ADGRV1: variants seen among roughly 807,000 people sequenced by gnomAD.
The protein encoded by ADGRV1 is adhesion G protein-coupled receptor V1, also known as G-protein coupled receptor 98.
Under a neutral mutation model 596.2 loss-of-function variants are expected in ADGRV1, and 359 were observed. The ratio of observed to expected loss-of-function variants is 0.60; its 90% confidence interval spans 0.55 to 0.66. The LOEUF is 0.66. Among genes scored for constraint, ADGRV1 ranks in the 30% least tolerant of loss-of-function variants. The pLI, the probability that ADGRV1 is intolerant of heterozygous loss-of-function variation, is 0.00. For missense variants in ADGRV1, 7,274 were observed against 7,575.6 expected, an observed-to-expected ratio of 0.96 and a Z score of 1.48; for synonymous variants, 2,681 against 2,679.2, an observed-to-expected ratio of 1.00 and a Z score of -0.02.
At chr5:90,579,251 A>C (rs1346714802) in intron 1 of ADGRV1, among the ~76,000 whole-genome samples, 1 of 152,184 alleles carries the variant, frequency 6.6e-6, no homozygotes, top group Non-Finnish European at 1.5e-5. Flanking sequence ...TTAGTGCTAT[A>C]AATTTCCCTC....
intron 87 of ADGRV1, among the ~76,000 whole-genome samples, chr5:91,115,348 C>T (rs1792758776): frequency 6.6e-6 from 1 of 152,136 alleles, no homozygotes; most frequent in East Asian, 1.9e-4. Context: ...TGATTGCCTA[C>T]TAATAAATGA....
At position 90,622,987 on chromosome 5, in the gene ADGRV1, C is replaced by T. The variant is rs140696061; in HGVS notation, c.558+286C>T. 6.2e-3 allele frequency among the ~76,000 whole-genome samples: 944 copies of T among 152,264 alleles called. 10 individuals carry two copies. Among genetic ancestry groups the T allele is most frequent in the African/African-American group, 0.022 (896 of 41,540 alleles). On this transcript the variant is annotated intron_variant, in intron 5 of 89. Coordinates refer to ENST00000405460, the MANE Select transcript of ADGRV1 (RefSeq NM_032119.4). ...AACTCCTGGCCTCAGGTGATCCGCC[C>T]GCCTTGGCGTCCCAAAGTGCTGGGG...
intron 83 of ADGRV1, among the ~76,000 whole-genome samples, chr5:90,888,447 A>G (rs1334316887): frequency 6.6e-6 from 1 of 152,198 alleles, no homozygotes; most frequent in Non-Finnish European, 1.5e-5. Context: ...AAAATATAAA[A>G]TAGCAATATC....
At chr5:90,840,119 A>G (rs1048402394) in intron 77 of ADGRV1, among the ~76,000 whole-genome samples, 2 of 152,236 alleles carry the variant, frequency 1.3e-5, no homozygotes, top group Admixed American at 1.3e-4. Context: ...ATTTGAGTGT[A>G]AACATGAAAC....
At chr5:90,895,074 A>G (rs943769616) in intron 83 of ADGRV1, among the ~76,000 whole-genome samples, 2 of 151,554 alleles carry the variant, frequency 1.3e-5, no homozygotes, top group African/African-American at 2.4e-5. Flanking sequence ...GACCACAAGC[A>G]TGCACCACCA....
intron 1 of ADGRV1, among the ~76,000 whole-genome samples, chr5:90,575,643 G>A (rs930905527): frequency 6.6e-6 from 1 of 152,128 alleles, no homozygotes; most frequent in Non-Finnish European, 1.5e-5. Flanking sequence ...CTGTCTCCAC[G>A]ATGGCTTTGG....
chr5:90,948,239 AT>A lies in ADGRV1; in HGVS notation c.17857-17175del, dbSNP rs1253235369. 5.3e-5 allele frequency among the ~76,000 whole-genome samples: 8 copies of A among 152,076 alleles called. No individual in the cohort carries two copies. The East Asian group carries it at 1.2e-3, about 22-fold the overall frequency. On this transcript the variant is annotated intron_variant, in intron 83 of 89. Transcript: ENST00000405460. ...TCTGGTTCCAAAGTCTGAAATTTTTATGTTTTATAAGGAGGTGAGCTAGGAG... is the reference window on the plus strand; with the variant it reads ...TCTGGTTCCAAAGTCTGAAATTTTTAGTTTTATAAGGAGGTGAGCTAGGAG...
At chr5:90,579,122 C>T (rs892961138) in intron 1 of ADGRV1, among the ~76,000 whole-genome samples, 1 of 152,066 alleles carries the variant, frequency 6.6e-6, no homozygotes, top group African/African-American at 2.4e-5. Flanking sequence ...CTGCTCTGAT[C>T]TTAGTTATTT....
At chr5:91,040,466 TC>T (rs1785246974) in intron 85 of ADGRV1, among the ~76,000 whole-genome samples, 1 of 152,216 alleles carries the variant, frequency 6.6e-6, no homozygotes, top group Non-Finnish European at 1.5e-5. Context: ...CATAATGGTC[TC>T]TAAAATATTT....
At chr5:91,145,556 A>G (rs1448350821) in intron 87 of ADGRV1, among the ~76,000 whole-genome samples, 1 of 151,758 alleles carries the variant, frequency 6.6e-6, no homozygotes, top group Non-Finnish European at 1.5e-5. Context: ...ATTTTCAGGA[A>G]GATTTGTTTC....
At chr5:90,821,600 G>A (rs552672196) in intron 75 of ADGRV1, among the ~76,000 whole-genome samples, 5,782 of 150,864 alleles carry the variant, frequency 0.038, 388 homozygotes, top group African/African-American at 0.13. Context: ...TTTTGGTGTG[G>A]ATGTCCTTTC....
chr5:90,840,497 T>C (rs1030422647), intron 77 of ADGRV1, 81 bp from the exon 78 acceptor site: 70 of 1,220,564 alleles, frequency 5.7e-5, no homozygotes, highest in Non-Finnish European at 7.2e-5. Context: ...AGAAATTGAA[T>C]TTGTTTAAGA....
chr5:90,677,848 A>C (rs1055450668), intron 25 of ADGRV1, among the ~76,000 whole-genome samples: 1 of 152,036 alleles, frequency 6.6e-6, no homozygotes. Context: ...AATGACCTCT[A>C]CTCCTGGACT....
At chr5:90,613,137 TC>T (rs1489940530) in intron 1 of ADGRV1, among the ~76,000 whole-genome samples, 3 of 152,222 alleles carry the variant, frequency 2.0e-5, no homozygotes, top group African/African-American at 7.2e-5. Context: ...ACTTCAGATG[TC>T]TTATTTCTCT....
chr5:90,652,368 T>G lies in ADGRV1; in HGVS notation c.3439T>G (p.Phe1147Val), dbSNP rs1162893004. 6.2e-7 allele frequency: 1 copy of G among 1,603,660 alleles called. No homozygotes were observed. The highest frequency in any genetic ancestry group is 8.5e-7 in the Non-Finnish European group (1 of 1,176,100). ...TAGGATTTTGAGGCACCGAGGATACTTTGGTAGTGTTTCTGTATCTTGGCA... is the reference window on the plus strand; with the variant it reads ...TAGGATTTTGAGGCACCGAGGATACGTTGGTAGTGTTTCTGTATCTTGGCA... ...AFWILRHRGY[F>V]GSVSVSWQLF... Residue 1147 changes from phenylalanine (F) to valine (V), a missense_variant, in exon 19 of 90, where the codon TTT becomes GTT. By Grantham distance (50) the Phe-to-Val change is conservative (BLOSUM62 -1). Coordinates refer to ENST00000405460, the MANE Select transcript of ADGRV1 (RefSeq NM_032119.4).
In ADGRV1 at chr5:90,684,040, A is replaced by G. The variant is rs374889159; in HGVS notation, c.6119A>G (p.Tyr2040Cys). 31 of 1,613,870 alleles carry G rather than the reference A, an allele frequency of 1.9e-5. No individual in the cohort carries two copies. In the African/African-American group the frequency reaches 2.9e-4, roughly 15 times the overall value. ...NLARATQGRD[Y>C]IPASGFALFG... Reference sequence around the variant, plus strand: ...GCGAGAGCAACTCAAGGAAGAGACTATATACCAGCTTCTGGATTTGCTCTT... The same window carrying G: ...GCGAGAGCAACTCAAGGAAGAGACTGTATACCAGCTTCTGGATTTGCTCTT... The change falls in exon 28 of 90, where the codon TAT (tyrosine) becomes TGT (cysteine). Residue 2040 changes from tyrosine to cysteine, a missense_variant. Tyr to Cys is a radical substitution (Grantham distance 194, BLOSUM62 -2). Around this residue, in one of 5 missense-constraint regions of ADGRV1, gnomAD observed 3,643 missense variants for 3,809.2 expected, o/e 0.96. Coordinates refer to ENST00000405460, the MANE Select transcript of ADGRV1 (RefSeq NM_032119.4).
At chr5:90,986,519 T>A (rs539079428) in intron 85 of ADGRV1, among the ~76,000 whole-genome samples, 8 of 152,026 alleles carry the variant, frequency 5.3e-5, no homozygotes, top group Non-Finnish European at 1.2e-4. Flanking sequence ...CCATACCACA[T>A]TCAGATAAAG....
chr5:91,124,265 T>G (rs985555612), intron 87 of ADGRV1, among the ~76,000 whole-genome samples: 6 of 152,186 alleles, frequency 3.9e-5, no homozygotes, highest in African/African-American at 1.4e-4. Context: ...CTAAACCTTT[T>G]GGGCTATTTT....
In ADGRV1 at chr5:90,694,526, C is replaced by T. The variant is rs201767905; in HGVS notation, c.7770C>T (p.Ser2590=). ...FVIYNISPNT[S]EDGLFVEVQE... Reference sequence around the variant, plus strand: ...TCTACAATATTAGTCCCAATACTTCCGAAGATGGCTTATTTGTTGAAGTTC... The same window carrying T: ...TCTACAATATTAGTCCCAATACTTCTGAAGATGGCTTATTTGTTGAAGTTC... The change falls in exon 33 of 90, where the codon TCC becomes TCT. Residue 2590 remains serine (S), a synonymous_variant. Coordinates refer to ENST00000405460, the MANE Select transcript of ADGRV1 (RefSeq NM_032119.4). The T allele has an allele frequency of 2.2e-5, 36 of 1,613,884 alleles. No individual in the cohort carries two copies. The highest frequency in any genetic ancestry group is 1.3e-4 in the Admixed American group (8 of 60,012).
Sources: gnomAD v4.1 joint callset for allele counts (sites outside exome capture counted in the v4.1 genomes callset) on GRCh38, gnomAD v4.1.1 for gene constraint, gnomAD v4.1.1 regional missense constraint, MANE v1.5 for transcripts, NCBI Gene and HGNC (gene_info 2026-07-23, HGNC 2026-07-21) for gene names.